Variants in BCL7A observed in about 807,000 individuals in gnomAD.
BCL7A encodes B-cell CLL/lymphoma 7 protein family member A.
BCL7A carries 11 observed loss-of-function variants against 28.4 expected under a neutral mutation model. The ratio of observed to expected loss-of-function variants is 0.39; its 90% CI spans 0.24 to 0.64. The LOEUF is 0.64. Ranked by LOEUF, BCL7A falls within the 30% of genes least tolerant of loss-of-function variation. The probability of loss-of-function intolerance (pLI) is 0.50; values close to 1 mark genes in which losing one functional copy is unlikely to be tolerated. For missense variants in BCL7A, 222 were observed against 274.8 expected (o/e 0.81, Z 1.36); for synonymous variants, 123 against 103.3 (o/e 1.19, Z -1.15).
intron 4 of BCL7A, among the ~76,000 whole-genome samples, chr12:122,050,305 G>GT (rs34242364): frequency 0.4 from 60,459 of 151,756 alleles, 12,954 homozygotes; most frequent in Middle Eastern, 0.58. Flanking sequence ...TTGTGGGGGG[G>GT]GGGCCATCCT....
rs1473242973 is a variant in BCL7A, at chr12:122,060,842, A to G, written c.*1679A>G. The G allele has an allele frequency of 4.4e-6, 1 of 229,830 alleles. No individual in the cohort carries two copies. Among genetic ancestry groups the G allele is most frequent in the African/African-American group, 2.2e-5 (1 of 45,040 alleles). The allele number at this position is 229,830 out of a possible 1,614,324, so 14.2% of individuals were successfully genotyped here. A position where few individuals can be genotyped will look rare whatever the true frequency, so the allele number is the denominator to read the frequency against. ...ATTTCCTGCACTTCGAGAAGAATCAAAATGTTCCTGAATTTCAAATACCTC... is the reference window on the plus strand; with the variant it reads ...ATTTCCTGCACTTCGAGAAGAATCAGAATGTTCCTGAATTTCAAATACCTC... On this transcript the variant is annotated 3_prime_UTR_variant, in exon 6 of 6. Coordinates refer to ENST00000261822, the MANE Select transcript of BCL7A (RefSeq NM_001024808.3).
At chr12:122,048,067 C>T (rs1884113430) in intron 4 of BCL7A, among the ~76,000 whole-genome samples, 1 of 151,934 alleles carries the variant, frequency 6.6e-6, no homozygotes, top group African/African-American at 2.4e-5. Flanking sequence ...CCACACCCGG[C>T]TAACTTTTTA....
At chr12:122,058,944 C>T (rs925441961) in intron 5 of BCL7A, 148 bp from the exon 6 acceptor site, 10 of 625,720 alleles carry the variant, frequency 1.6e-5, no homozygotes, top group South Asian at 5.8e-5. Context: ...CTGGAGTCCA[C>T]GCTTGGGCCT....
chr12:122,032,530 A>G (rs182892270), intron 2 of BCL7A, among the ~76,000 whole-genome samples: 1 of 152,320 alleles, frequency 6.6e-6, no homozygotes, highest in East Asian at 1.9e-4. Flanking sequence ...CAAATGGAAT[A>G]TGATCAAGGG....
intron 3 of BCL7A, 42 bp downstream of exon 3, chr12:122,035,469 G>A (rs1883832220): frequency 6.4e-7 from 1 of 1,560,878 alleles, no homozygotes; most frequent in Non-Finnish European, 8.8e-7. Context: ...CCCAGCCCGG[G>A]GCCTTGGCCA....
At chr12:122,058,953 C>G in intron 5 of BCL7A, 139 bp from the exon 6 acceptor site, 1 of 656,104 alleles carries the variant, frequency 1.5e-6, no homozygotes, top group Non-Finnish European at 2.7e-6. Flanking sequence ...ACGCTTGGGC[C>G]TCGGGTCTGG....
chr12:122,057,757 C>G (rs926010307), intron 5 of BCL7A, among the ~76,000 whole-genome samples: 1 of 152,144 alleles, frequency 6.6e-6, no homozygotes, highest in East Asian at 1.9e-4. Context: ...CAGACCCTTT[C>G]CCCCAGAATA....
chr12:122,058,516 G>A (rs1043891090), intron 5 of BCL7A, among the ~76,000 whole-genome samples: 8 of 152,170 alleles, frequency 5.3e-5, no homozygotes, highest in African/African-American at 1.2e-4. Flanking sequence ...AAAATTAGCC[G>A]GGCATGGTGG....
At chr12:122,055,753 G>A (rs990579426) in intron 5 of BCL7A, among the ~76,000 whole-genome samples, 1 of 152,124 alleles carries the variant, frequency 6.6e-6, no homozygotes, top group African/African-American at 2.4e-5. Flanking sequence ...CAAGTAGGTG[G>A]GATTACAGGT....
chr12:122,049,976 A>G lies in BCL7A; in HGVS notation c.440-4829A>G, dbSNP rs1884157260. ...CACCCCTGGCATTTGGAGACGGATC[A>G]TTCTTTTTGTTTTTCTGAGACGGAG... On this transcript the variant is annotated intron_variant, in intron 4 of 5. Coordinates refer to ENST00000261822, the MANE Select transcript of BCL7A (RefSeq NM_001024808.3). Among the ~76,000 whole-genome samples the G allele has an allele frequency of 3.3e-5, 5 of 151,774 alleles. No homozygotes were observed. In the South Asian group the frequency reaches 1.0e-3, roughly 32 times the overall value.
intron 4 of BCL7A, among the ~76,000 whole-genome samples, chr12:122,047,615 G>A (rs1330787246): frequency 6.6e-6 from 1 of 150,770 alleles, no homozygotes. Context: ...GCCTTGAACT[G>A]CTGGGCTCAG....
chr12:122,022,146 A>G lies in BCL7A; in HGVS notation c.55A>G (p.Lys19Glu). 6.3e-7 allele frequency: 1 copy of G among 1,580,814 alleles called. No homozygotes were observed. Among genetic ancestry groups the G allele is most frequent in the Admixed American group, 1.7e-5 (1 of 58,248 alleles). ...ETRSRAKDDI[K>E]RVMAAIEKVR... ...GAGGAGCCGGGCCAAAGATGATATC[A>G]AGAGGGTCATGGCGGCGATCGAGAA... Residue 19 changes from lysine to glutamate, a missense_variant, in exon 1 of 6, where the codon AAG (lysine) becomes GAG (glutamate). Around this residue, in one of 2 missense-constraint regions of BCL7A, gnomAD observed 67 missense variants for 129.1 expected, o/e 0.52. Coordinates refer to ENST00000261822, the MANE Select transcript of BCL7A (RefSeq NM_001024808.3).
chr12:122,032,013 C>T (rs1883755738), intron 2 of BCL7A, among the ~76,000 whole-genome samples: 1 of 152,202 alleles, frequency 6.6e-6, no homozygotes, highest in South Asian at 2.1e-4. Context: ...GAAGATGGCG[C>T]AGACTAACCC....
At chr12:122,039,059 G>A (rs1883912972) in intron 3 of BCL7A, among the ~76,000 whole-genome samples, 1 of 151,974 alleles carries the variant, frequency 6.6e-6, no homozygotes, top group African/African-American at 2.4e-5. Flanking sequence ...CATTCTGGGA[G>A]GCCAAGGCGG....
chr12:122,054,291 G>A (rs1380398416), intron 4 of BCL7A, among the ~76,000 whole-genome samples: 2 of 152,174 alleles, frequency 1.3e-5, no homozygotes, highest in African/African-American at 4.8e-5. Flanking sequence ...GTTTCACCGT[G>A]TTAGCCAGGA....
rs866987590 is a variant in BCL7A, at chr12:122,029,247, G to A, written c.93-1453G>A. 7.9e-5 allele frequency among the ~76,000 whole-genome samples: 12 copies of A among 152,298 alleles called. No individual in the cohort carries two copies. Among genetic ancestry groups the A allele is most frequent in the Middle Eastern group, 3.4e-3 (1 of 294 alleles). ...GGCCACTGGTATAATAAGAAAAGCC[G>A]GGCCGTAGCGTCCTCTGATGGAACA... On this transcript the variant is annotated intron_variant, in intron 1 of 5. Transcript: ENST00000261822. This position sits in a 1 kb window ranked among gnomAD's most constrained non-coding sequence, Gnocchi z 4.3.
chr12:122,059,769 A>C lies in BCL7A; in HGVS notation c.*606A>C. ...GAGCTCCTTAGCCCACCTGGTTTGC[A>C]GGTGCAGGGGGACCTTAGGCACGCC... On this transcript the variant is annotated 3_prime_UTR_variant, in exon 6 of 6. Coordinates refer to ENST00000261822, the MANE Select transcript of BCL7A (RefSeq NM_001024808.3). The surrounding 1 kb of genome is among the most constrained non-coding windows in gnomAD (Gnocchi z 4.0). 1 of 231,640 alleles carries C rather than the reference A, an allele frequency of 4.3e-6. No individual in the cohort carries two copies. 14.3% of individuals were successfully genotyped at this position (231,640 alleles called of 1,614,324 possible). A position where few individuals can be genotyped will look rare whatever the true frequency, so the allele number is the denominator to read the frequency against.
intron 3 of BCL7A, among the ~76,000 whole-genome samples, chr12:122,040,054 G>A (rs1264256575): frequency 3.3e-5 from 5 of 152,056 alleles, no homozygotes; most frequent in Non-Finnish European, 5.9e-5. Context: ...TTATGAAACC[G>A]TCACAATGTG....
intron 4 of BCL7A, among the ~76,000 whole-genome samples, chr12:122,045,915 C>T (rs1298316401): frequency 1.3e-5 from 2 of 151,650 alleles, no homozygotes; most frequent in South Asian, 2.1e-4. Context: ...AAGACGAAAC[C>T]CCGTCTCTAC....
Sources: allele counts gnomAD v4.1 joint callset (sites outside exome capture counted in the v4.1 genomes callset), GRCh38; gene constraint gnomAD v4.1.1; regional missense constraint gnomAD v4.1.1; non-coding constraint Gnocchi (gnomAD v3.1); transcripts MANE v1.5; gene names NCBI Gene and HGNC (gene_info 2026-07-23, HGNC 2026-07-21).